Variants in CEP20 observed in about 807,000 individuals in gnomAD.
The protein encoded by CEP20 is FGFR1OP N-terminal like.
A neutral mutation model predicts 20.0 loss-of-function variants in CEP20; 18 were observed. The observed-to-expected ratio is 0.90, with a 90% CI of 0.62 to 1.34. CEP20 has a LOEUF of 1.34. Among genes scored for constraint, CEP20 ranks in the 40% most tolerant of loss-of-function variants. The pLI, the probability that CEP20 is intolerant of heterozygous loss-of-function variation, is 0.00. For missense variants in CEP20, 215 were observed against 201.6 expected (o/e 1.07, Z -0.40); for synonymous variants, 77 against 73.7 (o/e 1.04, Z -0.23).
Position 15,879,886 on chromosome 16 carries a change from A to G in CEP20, c.229T>C (p.Ser77Pro). 2 of 1,577,860 alleles carry G rather than the reference A, an allele frequency of 1.3e-6. No homozygotes were observed. The change falls in exon 3 of 5, where the codon TCT becomes CCT. Residue 77 changes from serine (S) to proline (P), a missense_variant and splice_region_variant. Transcript: ENST00000255759. ...KYTASVLIAESGQPVVPLDRQ... is the reference protein window; with the variant it reads ...KYTASVLIAEPGQPVVPLDRQ... ...TCCAACGGAACTACAGGTTGACCAG[A>G]TTCTGGGAGAAATAAATTCATGAGA...
chr16:15,873,074 T>C (rs1335847793), intron 4 of CEP20, among the ~76,000 whole-genome samples: 1 of 150,868 alleles, frequency 6.6e-6, no homozygotes, highest in African/African-American at 2.5e-5. Context: ...GTTTTCAGTA[T>C]TTTTTTGTTT....
chr16:15,885,470 CA>C (rs777149084), intron 1 of CEP20, among the ~76,000 whole-genome samples: 11 of 152,120 alleles, frequency 7.2e-5, no homozygotes, highest in Admixed American at 5.9e-4. Context: ...CGGCTCACTG[CA>C]ATCTCCAGGC....
Position 15,867,325 on chromosome 16 carries a change from G to T in CEP20, c.*115C>A. 2.9e-6 allele frequency: 2 copies of T among 683,178 alleles called. No individual in the cohort carries two copies. Among genetic ancestry groups the T allele is most frequent in the Non-Finnish European group, 4.4e-6 (2 of 449,480 alleles). The allele number at this position is 683,178 out of a possible 1,614,324, so 42.3% of individuals were successfully genotyped here. A position where few individuals can be genotyped will look rare whatever the true frequency, so the allele number is the denominator to read the frequency against. ...TGTAGTTAAACATGAGGGGTGTTTT[G>T]TAGAAACTCCAATTTCTACAAACAT... On this transcript the variant is annotated 3_prime_UTR_variant, in exon 5 of 5. Coordinates refer to ENST00000255759, the MANE Select transcript of CEP20 (RefSeq NM_144600.4).
At chr16:15,879,447 A>G (rs1010333200) in intron 3 of CEP20, among the ~76,000 whole-genome samples, 1 of 152,178 alleles carries the variant, frequency 6.6e-6, no homozygotes. Context: ...CAGGAGTTCG[A>G]GACCAGCCTG....
At chr16:15,872,131 A>G (rs985766761) in intron 4 of CEP20, among the ~76,000 whole-genome samples, 2 of 152,084 alleles carry the variant, frequency 1.3e-5, no homozygotes, top group Non-Finnish European at 2.9e-5. Flanking sequence ...TGGCTAACAC[A>G]GGGAAACCCT....
At chr16:15,867,878 C>T (rs765378469) in intron 4 of CEP20, among the ~76,000 whole-genome samples, 4 of 146,940 alleles carry the variant, frequency 2.7e-5, no homozygotes, top group Non-Finnish European at 4.5e-5. Flanking sequence ...GAGGCTGAGG[C>T]AGGAGAATTG....
intron 1 of CEP20, among the ~76,000 whole-genome samples, chr16:15,886,861 C>T (rs894985824): frequency 6.6e-6 from 1 of 151,932 alleles, no homozygotes; most frequent in Middle Eastern, 3.2e-3. Context: ...GTCTTAACCT[C>T]GCTTATATTT....
chr16:15,886,445 A>G (rs1026818406), intron 1 of CEP20, among the ~76,000 whole-genome samples: 7 of 152,208 alleles, frequency 4.6e-5, no homozygotes, highest in African/African-American at 1.7e-4. Flanking sequence ...CTGAACCCCT[A>G]TTCTCTAATT....
intron 4 of CEP20, among the ~76,000 whole-genome samples, chr16:15,868,138 G>A (rs2044730860): frequency 6.6e-6 from 1 of 152,024 alleles, no homozygotes; most frequent in African/African-American, 2.4e-5. Flanking sequence ...AATGAAATTT[G>A]CAAGAAAGGA....
At chr16:15,870,880 C>A (rs7186197) in intron 4 of CEP20, among the ~76,000 whole-genome samples, 10,083 of 151,980 alleles carry the variant, frequency 0.066, 432 homozygotes, top group East Asian at 0.21. Flanking sequence ...GAGATCTACA[C>A]GTATCAACAA....
At chr16:15,876,152 G>T (rs1402683498) in intron 3 of CEP20, among the ~76,000 whole-genome samples, 3 of 150,058 alleles carry the variant, frequency 2.0e-5, no homozygotes, top group African/African-American at 7.3e-5. Context: ...GTAGTATTTG[G>T]TAGATGTACC....
intron 1 of CEP20, among the ~76,000 whole-genome samples, chr16:15,884,695 G>A (rs138344558): frequency 0.014 from 2,196 of 152,052 alleles, 53 homozygotes; most frequent in African/African-American, 0.049. Flanking sequence ...TAGTAGAGAC[G>A]GGGTTTCACT....
chr16:15,868,689 C>G (rs1410828776), intron 4 of CEP20, among the ~76,000 whole-genome samples: 3 of 152,034 alleles, frequency 2.0e-5, no homozygotes, highest in Non-Finnish European at 2.9e-5. Flanking sequence ...ATTCTCAGTG[C>G]CAATACTACT....
intron 1 of CEP20, among the ~76,000 whole-genome samples, chr16:15,887,104 C>T (rs7203182): frequency 0.22 from 33,320 of 151,764 alleles, 3,948 homozygotes; most frequent in African/African-American, 0.35. Flanking sequence ...GGGGTCTCAC[C>T]ATGTTGGCCA....
At chr16:15,886,372 A>G (rs890753748) in intron 1 of CEP20, among the ~76,000 whole-genome samples, 3 of 152,190 alleles carry the variant, frequency 2.0e-5, no homozygotes, top group Non-Finnish European at 4.4e-5. Flanking sequence ...TTATCACCAG[A>G]TCAGAGTTTG....
At position 15,884,073 on chromosome 16, in the gene CEP20, T is replaced by C. The variant is rs1411795822; in HGVS notation, c.161A>G (p.Asn54Ser). The C allele has an allele frequency of 1.9e-6, 3 of 1,613,956 alleles. No homozygotes were observed. The highest frequency in any genetic ancestry group is 2.5e-6 in the Non-Finnish European group (3 of 1,179,920). ...PSLSHENLLI[N>S]ELIREYLEFN... is the part of the protein sequence containing the mutation. Reference sequence around the variant, plus strand: ...TTCTAAATACTCTCGAATTAATTCATTAATTAGAAGGTTTTCATGAGACAA... The same window carrying C: ...TTCTAAATACTCTCGAATTAATTCACTAATTAGAAGGTTTTCATGAGACAA... Residue 54 changes from asparagine (N) to serine (S), a missense_variant, in exon 2 of 5, where the codon AAT becomes AGT. Physicochemically the swap from Asn to Ser is conservative, Grantham distance 46. Transcript: ENST00000255759.
intron 1 of CEP20, among the ~76,000 whole-genome samples, chr16:15,885,462 G>T (rs1415528493): frequency 2.0e-5 from 3 of 152,084 alleles, no homozygotes; most frequent in Non-Finnish European, 4.4e-5. Flanking sequence ...CACGATCTCG[G>T]CTCACTGCAA....
intron 2 of CEP20, among the ~76,000 whole-genome samples, chr16:15,880,684 A>T (rs1285714478): frequency 6.6e-6 from 1 of 152,174 alleles, no homozygotes; most frequent in African/African-American, 2.4e-5. Context: ...CAGATTAGAA[A>T]CTGGGCCACA....
chr16:15,880,183 T>C (rs992417825), intron 2 of CEP20, among the ~76,000 whole-genome samples: 5 of 152,220 alleles, frequency 3.3e-5, no homozygotes, highest in African/African-American at 9.6e-5. Flanking sequence ...GAAGTCTGTT[T>C]ATCAATAACT....
Sources: gnomAD v4.1 joint callset for allele counts (sites outside exome capture counted in the v4.1 genomes callset) on GRCh38, gnomAD v4.1.1 for gene constraint, MANE v1.5 for transcripts, NCBI Gene and HGNC (gene_info 2026-07-23, HGNC 2026-07-21) for gene names.